IKZF5: variants seen among roughly 807,000 people sequenced by gnomAD.
The protein encoded by IKZF5 is IKAROS family zinc finger 5, also known as zinc finger protein Pegasus.
Under a neutral mutation model 30.7 loss-of-function variants are expected in IKZF5, and 4 were observed. That is an observed-to-expected ratio of 0.13 (90% confidence interval 0.06 to 0.30). The LOEUF (loss-of-function observed/expected upper bound fraction) is 0.30, where lower values mean the gene tolerates loss of function less well. IKZF5 is among the 10% of genes least tolerant of loss of function. The probability of loss-of-function intolerance (pLI) is 1.00; values close to 1 mark genes in which losing one functional copy is unlikely to be tolerated. For synonymous variants in IKZF5, 148 were observed against 179.6 expected (o/e 0.82, Z 1.41); for missense variants, 348 against 525.5 (o/e 0.66, Z 3.30).
At chr10:122,996,806 C>A (rs1393989362) in intron 3 of IKZF5, among the ~76,000 whole-genome samples, 1 of 152,198 alleles carries the variant, frequency 6.6e-6, no homozygotes, top group African/African-American at 2.4e-5. Flanking sequence ...AAGAGATTCA[C>A]TGGAGAGTGA....
intron 2 of IKZF5, among the ~76,000 whole-genome samples, chr10:123,004,933 A>C (rs1000031405): frequency 2.0e-5 from 3 of 152,150 alleles, no homozygotes; most frequent in African/African-American, 7.2e-5. Flanking sequence ...TTCGGCTCAA[A>C]ACTCAGCTTT....
At chr10:123,006,248 G>A (rs77746849) in intron 2 of IKZF5, among the ~76,000 whole-genome samples, 208 of 152,254 alleles carry the variant, frequency 1.4e-3, no homozygotes, top group African/African-American at 4.9e-3. Flanking sequence ...ACCTCAAGTA[G>A]GTAATTTAGG....
In IKZF5 at chr10:122,992,500, A is replaced by G. The variant is rs1256863724; in HGVS notation, c.*1280T>C. On this transcript the variant is annotated 3_prime_UTR_variant, in exon 5 of 5. Coordinates refer to ENST00000368886, the MANE Select transcript of IKZF5 (RefSeq NM_001372123.1). ...AAGCTCTCTTCAGAGTACGTGAGTT[A>G]TTACACAATATAAAAACAATAGCCT... 1 of 152,224 alleles carries G rather than the reference A, an allele frequency of 6.6e-6. No individual in the cohort carries two copies. Among genetic ancestry groups the G allele is most frequent in the Non-Finnish European group, 1.5e-5 (1 of 68,022 alleles). The allele number at this position is 152,224 out of a possible 1,614,324, so 9.4% of individuals were successfully genotyped here. A position where few individuals can be genotyped will look rare whatever the true frequency, so the allele number is the denominator to read the frequency against.
At position 122,993,539 on chromosome 10, in the gene IKZF5, A is replaced by T. The variant is rs1163687194; in HGVS notation, c.*241T>A. On this transcript the variant is annotated 3_prime_UTR_variant, in exon 5 of 5. Transcript: ENST00000368886. ...ATTATGACTGCACTCCAATTCTCCA[A>T]TGTCGAAAGGAAAGGAAAAAAGAGA... 3 of 315,186 alleles carry T rather than the reference A, an allele frequency of 9.5e-6. No homozygotes were observed. Among genetic ancestry groups the T allele is most frequent in the African/African-American group, 6.5e-5 (3 of 46,390 alleles). The allele number at this position is 315,186 out of a possible 1,614,324, so 19.5% of individuals were successfully genotyped here. A position where few individuals can be genotyped will look rare whatever the true frequency, so the allele number is the denominator to read the frequency against.
chr10:122,998,457 A>C, intron 3 of IKZF5, 36 bp downstream of exon 3: 1 of 1,569,234 alleles, frequency 6.4e-7, no homozygotes, highest in Non-Finnish European at 8.7e-7. Context: ...ACGTGTATAA[A>C]AAGTGAATTA....
chr10:122,996,299 A>AG (rs1306270042), intron 3 of IKZF5, 123 bp from the exon 4 acceptor site: 1 of 757,212 alleles, frequency 1.3e-6, no homozygotes, highest in African/African-American at 1.8e-5. Context: ...AGTTAAGTCC[A>AG]TTTTATAACA....
chr10:123,002,721 G>A (rs1283661658), intron 2 of IKZF5, among the ~76,000 whole-genome samples: 1 of 150,416 alleles, frequency 6.6e-6, no homozygotes, highest in Non-Finnish European at 1.5e-5. Context: ...CCAGGAGGTG[G>A]AGGCTGCAGT....
At position 122,993,513 on chromosome 10, in the gene IKZF5, G is replaced by A. The variant is rs1049888899; in HGVS notation, c.*267C>T. On this transcript the variant is annotated 3_prime_UTR_variant, in exon 5 of 5. Coordinates refer to ENST00000368886, the MANE Select transcript of IKZF5 (RefSeq NM_001372123.1). ...AGAAATTCAAATGAACATCTTGTAA[G>A]ATTATGACTGCACTCCAATTCTCCA... 3.8e-6 allele frequency: 1 copy of A among 264,900 alleles called. No individual in the cohort carries two copies. Among genetic ancestry groups the A allele is most frequent in the Admixed American group, 4.9e-5 (1 of 20,574 alleles). 16.4% of individuals were successfully genotyped at this position (264,900 alleles called of 1,614,324 possible). A position where few individuals can be genotyped will look rare whatever the true frequency, so the allele number is the denominator to read the frequency against.
At chr10:122,999,868 T>C (rs1849519450) in intron 2 of IKZF5, among the ~76,000 whole-genome samples, 1 of 152,202 alleles carries the variant, frequency 6.6e-6, no homozygotes, top group African/African-American at 2.4e-5. Flanking sequence ...GTCTAGCACC[T>C]GGGATAAAAA....
At chr10:123,008,026 C>A (rs1355951647) in intron 1 of IKZF5, among the ~76,000 whole-genome samples, 1 of 152,118 alleles carries the variant, frequency 6.6e-6, no homozygotes, top group Non-Finnish European at 1.5e-5. Context: ...CAGATCCAGT[C>A]ATCGAGCATG....
chr10:123,006,724 G>A (rs1310733870), intron 2 of IKZF5, among the ~76,000 whole-genome samples: 12 of 152,184 alleles, frequency 7.9e-5, no homozygotes, highest in African/African-American at 2.4e-4. Context: ...TACACATAAA[G>A]TGATTACAGT....
intron 3 of IKZF5, among the ~76,000 whole-genome samples, chr10:122,998,045 C>T (rs1339874216): frequency 6.6e-6 from 1 of 152,132 alleles, no homozygotes; most frequent in Non-Finnish European, 1.5e-5. Context: ...AAGGAGGTCA[C>T]CACTTTCTCT....
chr10:122,994,467 A>G lies in IKZF5; in HGVS notation c.573T>C (p.Tyr191=). The change falls in exon 5 of 5, where the codon TAT becomes TAC. Residue 191 remains tyrosine (Y), a synonymous_variant. Transcript: ENST00000368886. The surrounding 1 kb of genome is among the most constrained non-coding windows in gnomAD (Gnocchi z 5.6). The part of the protein sequence containing the change: ...VLQKKTSNLG[Y]SRRALINLSP... ...TTAAGTTGATTAGTGCTCTTCTGCT[A>G]TAGCCCAGATTGCTTGTTTTCTTCT... 1.2e-6 allele frequency: 2 copies of G among 1,614,202 alleles called. No homozygotes were observed. Among genetic ancestry groups the G allele is most frequent in the Non-Finnish European group, 1.7e-6 (2 of 1,180,034 alleles).
intron 4 of IKZF5, 88 bp downstream of exon 4, chr10:122,995,906 A>T: frequency 8.1e-7 from 1 of 1,236,978 alleles, no homozygotes; most frequent in Non-Finnish European, 1.1e-6. Flanking sequence ...TTTGAATATT[A>T]AAACTATTTC....
intron 3 of IKZF5, among the ~76,000 whole-genome samples, chr10:122,997,803 G>A (rs1849431494): frequency 6.6e-6 from 1 of 152,158 alleles, no homozygotes; most frequent in African/African-American, 2.4e-5. Flanking sequence ...TTACTTATGT[G>A]GACTCAAGTT....
chr10:123,007,722 A>T (rs1849856907), intron 1 of IKZF5, among the ~76,000 whole-genome samples: 2 of 152,228 alleles, frequency 1.3e-5, no homozygotes, highest in Non-Finnish European at 2.9e-5. Context: ...ATAACACCAG[A>T]CATTTCAATT....
At chr10:123,003,254 G>C (rs943931128) in intron 2 of IKZF5, among the ~76,000 whole-genome samples, 3 of 117,298 alleles carry the variant, frequency 2.6e-5, no homozygotes, top group Non-Finnish European at 3.5e-5. Flanking sequence ...GGGGGGGGGG[G>C]TCATAATTCC....
At chr10:122,999,227 C>T (rs1048776650) in intron 2 of IKZF5, among the ~76,000 whole-genome samples, 1 of 152,152 alleles carries the variant, frequency 6.6e-6, no homozygotes, top group Non-Finnish European at 1.5e-5. Flanking sequence ...TGTGCTATTC[C>T]TACGCAGTTG....
Position 122,994,430 on chromosome 10 carries a change from T to C in IKZF5, c.610A>G (p.Met204Val), listed in dbSNP as rs17852103. 1.2e-6 allele frequency: 2 copies of C among 1,614,144 alleles called. No homozygotes were observed. Among genetic ancestry groups the C allele is most frequent in the African/African-American group, 1.3e-5 (1 of 75,024 alleles). The change falls in exon 5 of 5, where the codon ATG (methionine) becomes GTG (valine). Residue 204 changes from methionine (M) to valine (V), a missense_variant. Met to Val is a conservative substitution (Grantham distance 21). This residue lies in a region of IKZF5 where 176 missense variants were observed against 198.2 expected (regional missense o/e 0.89). Transcript: ENST00000368886. This position sits in a 1 kb window ranked among gnomAD's most constrained non-coding sequence, Gnocchi z 5.6. ...AGGTAGTCTGGTTTCTGAACCACCA[T>C]GGAAGGTGGACTTAAGTTGATTAGT... Reference protein sequence around the residue: ...RALINLSPPSMVVQKPDYLND... With the variant: ...RALINLSPPSVVVQKPDYLND...
Sources: gnomAD v4.1 joint callset for allele counts (sites outside exome capture counted in the v4.1 genomes callset) on GRCh38, gnomAD v4.1.1 for gene constraint, gnomAD v4.1.1 regional missense constraint, Gnocchi (gnomAD v3.1) non-coding constraint, MANE v1.5 for transcripts, NCBI Gene and HGNC (gene_info 2026-07-23, HGNC 2026-07-21) for gene names.